The following ADCK5 variants were observed in gnomAD, a reference collection of about 807,000 sequenced individuals.
The protein encoded by ADCK5 is uncharacterized aarF domain-containing protein kinase 5.
Under a neutral mutation model 64.9 loss-of-function variants are expected in ADCK5, and 43 were observed. The ratio of observed to expected loss-of-function variants is 0.66; its 90% CI spans 0.52 to 0.85. The LOEUF (loss-of-function observed/expected upper bound fraction) is 0.85, where lower values mean the gene tolerates loss of function less well. ADCK5 is among the 40% of genes least tolerant of loss of function. The pLI is 0.00. For missense variants in ADCK5, 760 were observed against 810.5 expected, an observed-to-expected ratio of 0.94 and a Z score of 0.76; for synonymous variants, 434 against 342.8, an observed-to-expected ratio of 1.27 and a Z score of -2.94.
At chr8:144,380,533 CG>C (rs2130695077) in intron 2 of ADCK5, among the ~76,000 whole-genome samples, 1 of 96,086 alleles carries the variant, frequency 1.0e-5, no homozygotes, top group Non-Finnish European at 2.0e-5. Flanking sequence ...TGTGCTCAGG[CG>C]CCTGCTGCAC....
intron 2 of ADCK5, among the ~76,000 whole-genome samples, chr8:144,381,435 C>T (rs1395505507): frequency 6.5e-5 from 8 of 123,946 alleles, no homozygotes; most frequent in Non-Finnish European, 9.8e-5. Flanking sequence ...GGTGTAGAAA[C>T]AGATGTGTGC....
At position 144,390,888 on chromosome 8, in the gene ADCK5, G is replaced by A. The variant is rs781873553; in HGVS notation, c.375G>A (p.Ala125=). ...NSPGYLEVMS[A]CHQRAADALV... ...CAGGCTACTTGGAGGTGATGTCTGC[G>A]TGTCACCAGCGGGCGGCTGATGCCC... The change falls in exon 5 of 15, where the codon GCG becomes GCA. Residue 125 remains alanine (A), a synonymous_variant. Transcript: ENST00000308860. The A allele has an allele frequency of 6.5e-5, 105 of 1,612,790 alleles. No individual in the cohort carries two copies. Among genetic ancestry groups the A allele is most frequent in the Non-Finnish European group, 7.6e-5 (90 of 1,180,010 alleles).
At chr8:144,380,311 C>T (rs531095196) in intron 2 of ADCK5, among the ~76,000 whole-genome samples, 1 of 150,506 alleles carries the variant, frequency 6.6e-6, no homozygotes, top group South Asian at 2.1e-4. Context: ...CAGATGTGTG[C>T]TCAGGCACCT....
chr8:144,378,619 C>G (rs1283649099), intron 1 of ADCK5, among the ~76,000 whole-genome samples: 1 of 152,076 alleles, frequency 6.6e-6, no homozygotes, highest in Non-Finnish European at 1.5e-5. Flanking sequence ...GTGGCTTACA[C>G]CTGTAATACC....
At chr8:144,389,492 G>A (rs1422378417) in intron 3 of ADCK5, among the ~76,000 whole-genome samples, 1 of 152,202 alleles carries the variant, frequency 6.6e-6, no homozygotes, top group East Asian at 1.9e-4. Context: ...CTTGAGGGTG[G>A]CAGGGAGTGA....
intron 2 of ADCK5, among the ~76,000 whole-genome samples, chr8:144,381,973 AT>A (rs1178990930): frequency 7.2e-6 from 1 of 139,280 alleles, no homozygotes; most frequent in African/African-American, 2.8e-5. Context: ...CGGGTGTAGA[AT>A]CAGATGTGTG....
Position 144,393,170 on chromosome 8 carries a change from C to T in ADCK5, c.*96C>T, listed in dbSNP as rs923055656. ...AGACACCCCGAGCCCCGTGGGCACTCGCACTGGGGGGCTGTGACAGCAGCT... is the reference window on the plus strand; with the variant it reads ...AGACACCCCGAGCCCCGTGGGCACTTGCACTGGGGGGCTGTGACAGCAGCT... On this transcript the variant is annotated 3_prime_UTR_variant, in exon 15 of 15. Coordinates refer to ENST00000308860, the MANE Select transcript of ADCK5 (RefSeq NM_174922.5). 9.6e-6 allele frequency: 13 copies of T among 1,359,988 alleles called. No homozygotes were observed. The highest frequency in any genetic ancestry group is 2.9e-5 in the African/African-American group (2 of 68,086). 84.2% of individuals were successfully genotyped at this position (1,359,988 alleles called of 1,614,324 possible). A position where few individuals can be genotyped will look rare whatever the true frequency, so the allele number is the denominator to read the frequency against.
intron 3 of ADCK5, chr8:144,389,132 TG>T (rs1359740128): frequency 5.2e-6 from 2 of 381,526 alleles, no homozygotes; most frequent in Non-Finnish European, 1.1e-5. Flanking sequence ...TCCTCCTAAC[TG>T]GGGCCAGGCC....
intron 3 of ADCK5, chr8:144,389,431 C>T: frequency 2.2e-6 from 1 of 449,518 alleles, no homozygotes; most frequent in South Asian, 1.6e-5. Context: ...CCCATCTCTC[C>T]AGAGGATGCC....
chr8:144,379,325 T>G, intron 1 of ADCK5, 62 bp from the exon 2 acceptor site: 2 of 1,278,794 alleles, frequency 1.6e-6, no homozygotes, highest in Non-Finnish European at 2.2e-6. Context: ...GTGCTGGTAC[T>G]GGTTGAGGGC....
chr8:144,390,806 TGAG>T (rs782800122), intron 4 of ADCK5, 47 bp from the exon 5 acceptor site: 1 of 1,606,714 alleles, frequency 6.2e-7, no homozygotes, highest in Non-Finnish European at 8.5e-7. Context: ...TGGGTGGGAC[TGAG>T]GAGGCAGCCA....
intron 1 of ADCK5, among the ~76,000 whole-genome samples, chr8:144,374,504 G>T (rs1199227899): frequency 6.6e-6 from 1 of 152,244 alleles, no homozygotes; most frequent in African/African-American, 2.4e-5. Context: ...CCCTGACGCC[G>T]CCTGCACCGG....
Position 144,392,038 on chromosome 8 carries a change from A to T in ADCK5, c.1096+16A>T. ...CCTGGCAACGGTAGGAATTTACCCC[A>T]GGGGTGGGGGTCTCAGGGTGGGCGC... On this transcript the variant is annotated intron_variant, in intron 10 of 14. Transcript: ENST00000308860. 26 of 1,611,760 alleles carry T rather than the reference A, an allele frequency of 1.6e-5. No individual in the cohort carries two copies. Among genetic ancestry groups the T allele is most frequent in the Non-Finnish European group, 2.1e-5 (25 of 1,179,584 alleles).
At chr8:144,383,332 G>T in intron 3 of ADCK5, 102 bp downstream of exon 3, 1 of 1,403,170 alleles carries the variant, frequency 7.1e-7, no homozygotes. Flanking sequence ...AGGGGCGTGA[G>T]CCTGGGAGGC....
At chr8:144,388,950 G>C (rs181938574) in intron 3 of ADCK5, among the ~76,000 whole-genome samples, 1 of 152,150 alleles carries the variant, frequency 6.6e-6, no homozygotes, top group Non-Finnish European at 1.5e-5. Context: ...AGGCAGGTAC[G>C]TGAGCTTCAC....
Position 144,383,180 on chromosome 8 carries a change from G to A in ADCK5, c.216G>A (p.Arg72=), listed in dbSNP as rs1554858651. The A allele has an allele frequency of 2.5e-6, 4 of 1,601,220 alleles. No individual in the cohort carries two copies. The South Asian group carries it at 4.5e-5, about 18-fold the overall frequency. The change falls in exon 3 of 15, where the codon CGG becomes CGA. Residue 72 remains arginine (R), a synonymous_variant. Coordinates refer to ENST00000308860, the MANE Select transcript of ADCK5 (RefSeq NM_174922.5). The stretch of plus-strand genomic sequence containing the variant: ...CCCGCTATGTCATGGCAGAGGCACG[G>A]GAGAAGAGGAGGATGCGGCTCGTGG... ...LGARYVMAEA[R]EKRRMRLVVD...
chr8:144,392,899 G>T lies in ADCK5; in HGVS notation c.1637+7G>T. 1 of 1,600,032 alleles carries T rather than the reference G, an allele frequency of 6.2e-7. No homozygotes were observed. The highest frequency in any genetic ancestry group is 8.5e-7 in the Non-Finnish European group (1 of 1,176,060). On this transcript the variant is annotated splice_region_variant and intron_variant, in intron 14 of 14. Coordinates refer to ENST00000308860, the MANE Select transcript of ADCK5 (RefSeq NM_174922.5). ...AGTTTGAAGTGGCGCTCAGGTGAGT[G>T]GCCGCGGGGCAGGTGGGTGGCGGGG...
chr8:144,391,724 A>G lies in ADCK5; in HGVS notation c.930+13A>G. On this transcript the variant is annotated intron_variant, in intron 8 of 14. Coordinates refer to ENST00000308860, the MANE Select transcript of ADCK5 (RefSeq NM_174922.5). ...CAAGTCCAGCAAGGTGGGCTGGGCC[A>G]GGCCCTTGGGGTGGGCACAGCGCTG... 6.5e-7 allele frequency: 1 copy of G among 1,538,638 alleles called. No individual in the cohort carries two copies. Among genetic ancestry groups the G allele is most frequent in the Non-Finnish European group, 8.7e-7 (1 of 1,147,164 alleles).
chr8:144,379,302 C>A, intron 1 of ADCK5, 85 bp from the exon 2 acceptor site: 1 of 1,020,402 alleles, frequency 9.8e-7, no homozygotes, highest in South Asian at 1.8e-5. Flanking sequence ...GCCTCAGACT[C>A]CAGCACATGT....
Sources: allele counts gnomAD v4.1 joint callset (sites outside exome capture counted in the v4.1 genomes callset), GRCh38; gene constraint gnomAD v4.1.1; transcripts MANE v1.5; gene names NCBI Gene and HGNC (gene_info 2026-07-23, HGNC 2026-07-21).